The following GATB variants were observed in gnomAD, a reference collection of about 807,000 sequenced individuals.
The protein encoded by GATB is glutamyl-tRNA(Gln) amidotransferase subunit B, mitochondrial.
A neutral mutation model predicts 62.3 loss-of-function variants in GATB; 39 were observed. The ratio of observed to expected loss-of-function variants is 0.63; its 90% confidence interval spans 0.48 to 0.82. The LOEUF (loss-of-function observed/expected upper bound fraction) is 0.82. Ranked by LOEUF, GATB falls within the 40% of genes least tolerant of loss-of-function variation. The pLI, the probability that GATB is intolerant of heterozygous loss-of-function variation, is 0.00. For missense variants in GATB, 670 were observed against 684.0 expected (o/e 0.98, Z 0.23); for synonymous variants, 276 against 258.9 (o/e 1.07, Z -0.63).
rs575645683 is a variant in GATB at position 151,731,362 on chromosome 4, C to A, written c.328-11824G>T. Among the ~76,000 whole-genome samples the A allele has an allele frequency of 5.3e-5, 8 of 152,332 alleles. No individual in the cohort carries two copies. The South Asian group carries it at 1.7e-3, about 32-fold the overall frequency. The stretch of plus-strand genomic sequence containing the variant: ...CAGCTCCTAATCACAAGTGATCTGC[C>A]AGCCTCGGCCTCCTGAGATGCCGGG... On this transcript the variant is annotated intron_variant, in intron 2 of 12. Coordinates refer to ENST00000263985, the MANE Select transcript of GATB (RefSeq NM_004564.3).
At chr4:151,733,884 C>A (rs902602349) in intron 2 of GATB, among the ~76,000 whole-genome samples, 5 of 152,078 alleles carry the variant, frequency 3.3e-5, no homozygotes, top group Non-Finnish European at 5.9e-5. Context: ...AAAGGGCATT[C>A]GACAAAATCC....
intron 9 of GATB, among the ~76,000 whole-genome samples, chr4:151,693,598 A>G (rs112039624): frequency 1.3e-5 from 2 of 152,130 alleles, no homozygotes; most frequent in African/African-American, 2.4e-5. Context: ...TCTGAAATGG[A>G]CCCACAAACA....
intron 3 of GATB, chr4:151,717,299 C>T (rs937098055): frequency 1.8e-6 from 1 of 551,690 alleles, no homozygotes; most frequent in African/African-American, 1.9e-5. Context: ...AAATCCTCCA[C>T]CCCTGATAAC....
intron 11 of GATB, chr4:151,676,036 A>C (rs1737993655): frequency 6.6e-6 from 1 of 152,210 alleles, no homozygotes; most frequent in Admixed American, 6.5e-5. Flanking sequence ...GGGACATGGC[A>C]TGGAGGGAGC....
chr4:151,670,904 G>A lies in GATB; in HGVS notation c.*270C>T, dbSNP rs1737842025. The A allele has an allele frequency of 2.6e-6, 1 of 386,712 alleles. No homozygotes were observed. The highest frequency in any genetic ancestry group is 3.9e-5 in the Admixed American group (1 of 25,504). 24.0% of individuals were successfully genotyped at this position (386,712 alleles called of 1,614,324 possible). A position where few individuals can be genotyped will look rare whatever the true frequency, so the allele number is the denominator to read the frequency against. On this transcript the variant is annotated 3_prime_UTR_variant, in exon 13 of 13. Transcript: ENST00000263985. Reference sequence around the variant, plus strand: ...GTTTAAAATTCCTTAATACAAGAAGGTGTTACTCCTTAACCACTGCTGCAG... The same window carrying A: ...GTTTAAAATTCCTTAATACAAGAAGATGTTACTCCTTAACCACTGCTGCAG...
chr4:151,725,781 C>A (rs1048094333), intron 2 of GATB, among the ~76,000 whole-genome samples: 2 of 152,218 alleles, frequency 1.3e-5, no homozygotes, highest in Non-Finnish European at 2.9e-5. Flanking sequence ...TCTCTAGGAT[C>A]TATACTGAGA....
intron 2 of GATB, among the ~76,000 whole-genome samples, chr4:151,734,565 C>T (rs1186306979): frequency 6.6e-6 from 1 of 152,010 alleles, no homozygotes; most frequent in Non-Finnish European, 1.5e-5. Context: ...AAAATACCAC[C>T]ATCATTCGTC....
intron 11 of GATB, chr4:151,676,487 TGACTAACCA>T (rs1231402971): frequency 6.6e-6 from 1 of 152,232 alleles, no homozygotes; most frequent in Non-Finnish European, 1.5e-5. Flanking sequence ...CCTTGAACCA[TGACTAACCA>T]GCTGTCTGGA....
chr4:151,677,545 A>T (rs1458350108), intron 11 of GATB: 1 of 152,208 alleles, frequency 6.6e-6, no homozygotes, highest in Non-Finnish European at 1.5e-5. Context: ...ATAGGTATAC[A>T]TCCAGCCTGT....
Position 151,697,969 on chromosome 4 carries a change from A to ATG in GATB, c.1197+3359_1197+3360insCA, listed in dbSNP as rs1391231189. Among the ~76,000 whole-genome samples, 34 of 102,474 alleles carry ATG rather than the reference A, an allele frequency of 3.3e-4. 2 individuals are homozygous for ATG. The highest frequency in any genetic ancestry group is 1.7e-3 in the African/African-American group (34 of 19,954). The allele number at this position is 102,474 out of a possible 152,430, so 67.2% of individuals were successfully genotyped here. A position where few individuals can be genotyped will look rare whatever the true frequency, so the allele number is the denominator to read the frequency against. ...TGTGTGTGTGTATATATATATATAT[A>ATG]TATATATATATATATATATATATAT... On this transcript the variant is annotated intron_variant, in intron 9 of 12. Transcript: ENST00000263985.
At chr4:151,697,219 T>A (rs541913805) in intron 9 of GATB, among the ~76,000 whole-genome samples, 1 of 152,200 alleles carries the variant, frequency 6.6e-6, no homozygotes, top group Admixed American at 6.5e-5. Flanking sequence ...AGTAAAGATA[T>A]GGAATCAGCG....
At chr4:151,740,898 C>T (rs1441396100) in intron 2 of GATB, among the ~76,000 whole-genome samples, 2 of 152,088 alleles carry the variant, frequency 1.3e-5, no homozygotes. Context: ...AAAATAGTGT[C>T]ACAGAACACT....
At chr4:151,711,179 T>G (rs1738811626) in intron 5 of GATB, among the ~76,000 whole-genome samples, 2 of 152,174 alleles carry the variant, frequency 1.3e-5, no homozygotes, top group Admixed American at 1.3e-4. Flanking sequence ...AGCATCATCT[T>G]CCATCTGAAC....
intron 2 of GATB, among the ~76,000 whole-genome samples, chr4:151,735,925 C>T (rs1214624957): frequency 2.6e-5 from 4 of 151,686 alleles, no homozygotes; most frequent in Non-Finnish European, 5.9e-5. Context: ...GCAGTCTATA[C>T]TGCTCGGGTG....
At chr4:151,712,490 G>A (rs1437441869) in intron 5 of GATB, among the ~76,000 whole-genome samples, 3 of 152,146 alleles carry the variant, frequency 2.0e-5, no homozygotes, top group Non-Finnish European at 4.4e-5. Flanking sequence ...ATAAAGTGCA[G>A]TTTCATATTT....
chr4:151,673,847 TC>T (rs1450193559), intron 11 of GATB: 1 of 152,108 alleles, frequency 6.6e-6, no homozygotes, highest in Non-Finnish European at 1.5e-5. Flanking sequence ...CACCCAACTT[TC>T]CCTGTTACCT....
At chr4:151,749,973 C>T (rs911677225) in intron 2 of GATB, among the ~76,000 whole-genome samples, 7 of 152,142 alleles carry the variant, frequency 4.6e-5, no homozygotes, top group African/African-American at 1.7e-4. Context: ...GCTCTGCCTC[C>T]CGGGTTCACA....
intron 6 of GATB, 89 bp from the exon 7 acceptor site, chr4:151,705,358 T>G: frequency 4.0e-6 from 3 of 749,228 alleles, no homozygotes; most frequent in Non-Finnish European, 6.6e-6. Flanking sequence ...TCTCAATCTC[T>G]AAGTTAAAAA....
intron 9 of GATB, among the ~76,000 whole-genome samples, chr4:151,697,969 A>ATGTGTG (rs1391231189): frequency 1.2e-4 from 12 of 102,462 alleles, no homozygotes; most frequent in South Asian, 8.2e-4. Context: ...ATATATATAT[A>ATGTGTG]TATATATATA....
Sources: gnomAD v4.1 joint callset for allele counts (sites outside exome capture counted in the v4.1 genomes callset) on GRCh38, gnomAD v4.1.1 for gene constraint, MANE v1.5 for transcripts, NCBI Gene and HGNC (gene_info 2026-07-23, HGNC 2026-07-21) for gene names.